The following PTPRD variants were observed in gnomAD, a reference collection of about 807,000 sequenced individuals.
PTPRD encodes the protein receptor-type tyrosine-protein phosphatase delta.
PTPRD carries 34 observed loss-of-function variants against 214.5 expected under a neutral mutation model. That is an observed-to-expected ratio of 0.16 (90% CI 0.12 to 0.21). PTPRD has a LOEUF of 0.21. Among genes scored for constraint, PTPRD ranks in the 10% least tolerant of loss-of-function variants. The pLI is 1.00. For missense variants in PTPRD, 2,545 were observed against 2,398.7 expected, an observed-to-expected ratio of 1.06 and a Z score of -1.27; for synonymous variants, 1,128 against 845.7, an observed-to-expected ratio of 1.33 and a Z score of -5.79.
intron 11 of PTPRD, among the ~76,000 whole-genome samples, chr9:8,848,649 T>C (rs2154540906): frequency 6.6e-6 from 1 of 152,130 alleles, no homozygotes; most frequent in Admixed American, 6.5e-5. Flanking sequence ...ACCATGTCAT[T>C]GGGCGTACTT....
At chr9:8,431,305 G>C (rs1442358757) in intron 35 of PTPRD, among the ~76,000 whole-genome samples, 1 of 152,102 alleles carries the variant, frequency 6.6e-6, no homozygotes, top group Non-Finnish European at 1.5e-5. Flanking sequence ...GAAGACGCTG[G>C]CTTGTATAAG....
rs182219290 is a variant in PTPRD at position 10,412,338 on chromosome 9, C to A, written c.-599-71321G>T. 3.2e-4 allele frequency among the ~76,000 whole-genome samples: 49 copies of A among 151,784 alleles called. No individual in the cohort carries two copies. In the East Asian group the frequency reaches 5.7e-3, roughly 18 times the overall value. Reference sequence around the variant, plus strand: ...GAAAAGATGGACAAATTCCTGGACACACTCACCCTTCTAAGACTGAATCAG... The same window carrying A: ...GAAAAGATGGACAAATTCCTGGACAAACTCACCCTTCTAAGACTGAATCAG... On this transcript the variant is annotated intron_variant, in intron 2 of 45. Transcript: ENST00000381196.
At position 8,508,883 on chromosome 9, in the gene PTPRD, G is replaced by GTGTGTGTC. The variant is rs1230295975; in HGVS notation, c.1544-1457_1544-1450dup. Among the ~76,000 whole-genome samples the GTGTGTGTC allele has an allele frequency of 2.0e-4, 30 of 148,436 alleles. No homozygotes were observed. In the East Asian group the frequency reaches 6.0e-3, roughly 30 times the overall value. Reference sequence around the variant, plus strand: ...TCAGCCTGTGTATATATATGTGTGTGTGTGTGTCTGTGTGTGTGTGTGTGT... The same window carrying GTGTGTGTC: ...TCAGCCTGTGTATATATATGTGTGTGTGTGTGTCTGTGTGTCTGTGTGTGTGTGTGTGT... On this transcript the variant is annotated intron_variant, in intron 21 of 45. Coordinates refer to ENST00000381196, the MANE Select transcript of PTPRD (RefSeq NM_002839.4).
intron 11 of PTPRD, among the ~76,000 whole-genome samples, chr9:8,749,681 T>C (rs892375063): frequency 1.3e-5 from 2 of 152,238 alleles, no homozygotes; most frequent in African/African-American, 4.8e-5. Flanking sequence ...TACATTAAAG[T>C]AGAATAACTT....
At position 9,504,072 on chromosome 9, in the gene PTPRD, T is replaced by G. The variant is rs571936513; in HGVS notation, c.-237+70660A>C. Among the ~76,000 whole-genome samples, 9 of 151,856 alleles carry G rather than the reference T, an allele frequency of 5.9e-5. No homozygotes were observed. In the South Asian group the frequency reaches 1.7e-3, roughly 28 times the overall value. ...CACATAGTTACCATGGCAAGGGTAT[T>G]CTCATTGCAATACCCTATTCCAAAG... On this transcript the variant is annotated intron_variant, in intron 8 of 45. Transcript: ENST00000381196.
Position 8,524,909 on chromosome 9 carries a change from G to A in PTPRD, c.679+16C>T, listed in dbSNP as rs756864781. The A allele has an allele frequency of 1.0e-5, 16 of 1,603,638 alleles. No homozygotes were observed. The highest frequency in any genetic ancestry group is 1.7e-4 in the Middle Eastern group (1 of 6,056). ...GCCTGAATGAAGAAGCGATGCCAGG[G>A]TTATGTCATTCCTACCTCTGACATA... On this transcript the variant is annotated intron_variant, in intron 18 of 45. Coordinates refer to ENST00000381196, the MANE Select transcript of PTPRD (RefSeq NM_002839.4).
chr9:9,785,920 G>A (rs182124410), intron 5 of PTPRD, among the ~76,000 whole-genome samples: 104 of 152,238 alleles, frequency 6.8e-4, no homozygotes, highest in African/African-American at 2.5e-3. Context: ...AGTAGGTCAT[G>A]ATGAAATGAA....
chr9:10,092,499 T>A (rs979433761), intron 3 of PTPRD, among the ~76,000 whole-genome samples: 1 of 151,552 alleles, frequency 6.6e-6, no homozygotes, highest in South Asian at 2.1e-4. Context: ...CTGTAATCAT[T>A]ATTTGCCAAA....
chr9:9,030,084 C>G (rs553722196), intron 10 of PTPRD, among the ~76,000 whole-genome samples: 1 of 151,518 alleles, frequency 6.6e-6, no homozygotes, highest in South Asian at 2.1e-4. Flanking sequence ...ATCATGGAGC[C>G]TAAGGAAGAA....
At chr9:8,531,441 C>T (rs758917720) in intron 14 of PTPRD, among the ~76,000 whole-genome samples, 3 of 152,078 alleles carry the variant, frequency 2.0e-5, no homozygotes, top group Non-Finnish European at 2.9e-5. Flanking sequence ...TTAAATATCT[C>T]ACTTGGCAGC....
chr9:9,151,922 T>C (rs1391648725), intron 10 of PTPRD, among the ~76,000 whole-genome samples: 2 of 152,374 alleles, frequency 1.3e-5, no homozygotes, highest in East Asian at 1.9e-4. Flanking sequence ...TTCATTGTTT[T>C]CTGACCTACC....
intron 7 of PTPRD, among the ~76,000 whole-genome samples, chr9:9,700,296 A>AT (rs1358342253): frequency 1.3e-5 from 2 of 152,002 alleles, no homozygotes; most frequent in African/African-American, 4.8e-5. Flanking sequence ...ATCTGTTTTT[A>AT]TTTTCTTAGA....
intron 3 of PTPRD, among the ~76,000 whole-genome samples, chr9:10,066,309 A>T (rs1227723751): frequency 2.0e-5 from 3 of 151,806 alleles, no homozygotes; most frequent in African/African-American, 7.2e-5. Flanking sequence ...TATTTGCATT[A>T]AAAAAAGCAG....
chr9:9,828,010 G>T (rs908948591), intron 5 of PTPRD, among the ~76,000 whole-genome samples: 1 of 152,156 alleles, frequency 6.6e-6, no homozygotes, highest in South Asian at 2.1e-4. Context: ...AACAACAGGT[G>T]CTGGAGAGGA....
chr9:9,336,604 C>T (rs1017599958), intron 9 of PTPRD, among the ~76,000 whole-genome samples: 4 of 152,012 alleles, frequency 2.6e-5, no homozygotes, highest in African/African-American at 4.8e-5. Context: ...AATATGTGTT[C>T]TGGGATGAGG....
chr9:9,114,920 C>G (rs1436426227), intron 10 of PTPRD, among the ~76,000 whole-genome samples: 1 of 152,068 alleles, frequency 6.6e-6, no homozygotes, highest in African/African-American at 2.4e-5. Context: ...TTAAACTGTG[C>G]TGAGCTCAAG....
intron 3 of PTPRD, among the ~76,000 whole-genome samples, chr9:10,187,654 C>T (rs1400210051): frequency 1.3e-5 from 2 of 152,156 alleles, no homozygotes; most frequent in South Asian, 2.1e-4. Context: ...TCCCTTCAGC[C>T]GTGAAGGAAA....
At chr9:9,304,670 A>G (rs952794662) in intron 9 of PTPRD, among the ~76,000 whole-genome samples, 9 of 151,064 alleles carry the variant, frequency 6.0e-5, no homozygotes, top group Non-Finnish European at 1.2e-4. Flanking sequence ...TCTAGATTAT[A>G]TATTTCCCTA....
chr9:8,559,150 C>G (rs2085161839), intron 14 of PTPRD, among the ~76,000 whole-genome samples: 1 of 151,976 alleles, frequency 6.6e-6, no homozygotes, highest in African/African-American at 2.4e-5. Context: ...CAGAAAAAAT[C>G]AACAAAAATT....
Sources: gnomAD v4.1 joint callset for allele counts (sites outside exome capture counted in the v4.1 genomes callset) on GRCh38, gnomAD v4.1.1 for gene constraint, MANE v1.5 for transcripts, NCBI Gene and HGNC (gene_info 2026-07-23, HGNC 2026-07-21) for gene names.